The following ZNF236 variants were observed in gnomAD, a reference collection of about 807,000 sequenced individuals.
The protein encoded by ZNF236 is zinc finger protein 236, also known as regulated by glucose.
In ZNF236, 50 loss-of-function variants were observed where a neutral mutation model predicts 191.2. That is an observed-to-expected ratio of 0.26 (90% CI 0.21 to 0.33). The LOEUF is 0.33. ZNF236 is among the 10% of genes least tolerant of loss of function. The probability of loss-of-function intolerance (pLI) is 1.00; values close to 1 mark genes in which losing one functional copy is unlikely to be tolerated. For synonymous variants in ZNF236, 907 were observed against 928.8 expected, an observed-to-expected ratio of 0.98 and a Z score of 0.43; for missense variants, 1,754 against 2,374.5, an observed-to-expected ratio of 0.74 and a Z score of 5.43.
intron 26 of ZNF236, among the ~76,000 whole-genome samples, chr18:76,943,603 T>G (rs987215184): frequency 2.0e-5 from 3 of 152,182 alleles, no homozygotes; most frequent in African/African-American, 7.2e-5. Context: ...AACTTTGTAT[T>G]TAGGTATATA....
chr18:76,922,227 TG>T (rs1269706351), intron 20 of ZNF236, among the ~76,000 whole-genome samples: 1 of 152,160 alleles, frequency 6.6e-6, no homozygotes, highest in African/African-American at 2.4e-5. Context: ...CAGGGCGCTG[TG>T]GTGACTCTTC....
intron 27 of ZNF236, among the ~76,000 whole-genome samples, 165 bp from the exon 28 acceptor site, chr18:76,955,820 G>A (rs914990368): frequency 6.6e-5 from 10 of 152,206 alleles, no homozygotes; most frequent in African/African-American, 2.4e-4. Flanking sequence ...CTCATATTGT[G>A]TGGAAGGCGC....
chr18:76,871,017 C>T (rs1036985078), intron 4 of ZNF236, among the ~76,000 whole-genome samples: 26 of 152,090 alleles, frequency 1.7e-4, no homozygotes, highest in African/African-American at 5.3e-4. Flanking sequence ...GAGCCGAACC[C>T]GTTCTGAGGC....
intron 9 of ZNF236, among the ~76,000 whole-genome samples, chr18:76,894,682 G>C (rs1032413176): frequency 1.3e-5 from 2 of 151,680 alleles, no homozygotes; most frequent in Middle Eastern, 3.4e-3. Context: ...TTCTCTTCTC[G>C]TTCCCTGCAT....
At chr18:76,913,642 A>T in intron 17 of ZNF236, 105 bp from the exon 18 acceptor site, 1 of 1,224,022 alleles carries the variant, frequency 8.2e-7, no homozygotes, top group South Asian at 1.4e-5. Context: ...TAAATGTTTC[A>T]TGGTTGTTGG....
intron 14 of ZNF236, among the ~76,000 whole-genome samples, chr18:76,909,318 CAAAAAAAAA>C (rs34878586): frequency 8.4e-6 from 1 of 119,466 alleles, no homozygotes; most frequent in East Asian, 2.3e-4. Context: ...GACTCTGTCT[CAAAAAAAAA>C]AAAAAAAAAA....
In ZNF236 at chr18:76,971,580, C is replaced by A. The variant is rs1374667668; in HGVS notation, c.*3241C>A. On this transcript the variant is annotated 3_prime_UTR_variant, in exon 31 of 31. Coordinates refer to ENST00000320610, the MANE Select transcript of ZNF236 (RefSeq NM_001306089.2). ...CTAGTGTTCTGTGTCTTCCTTTGAA[C>A]TCATATCACATTTATTACAAGAGAC... Among the ~76,000 whole-genome samples, 1 of 152,204 alleles carries A rather than the reference C, an allele frequency of 6.6e-6. No individual in the cohort carries two copies. Among genetic ancestry groups the A allele is most frequent in the Non-Finnish European group, 1.5e-5 (1 of 68,032 alleles).
intron 26 of ZNF236, among the ~76,000 whole-genome samples, chr18:76,946,240 G>A (rs190179786): frequency 6.6e-6 from 1 of 152,302 alleles, no homozygotes; most frequent in East Asian, 1.9e-4. Flanking sequence ...ATAAAAAGGG[G>A]AGTTTCCCTG....
At chr18:76,877,607 C>T (rs1407962183) in intron 6 of ZNF236, among the ~76,000 whole-genome samples, 2 of 152,066 alleles carry the variant, frequency 1.3e-5, no homozygotes, top group African/African-American at 4.8e-5. Flanking sequence ...TGGTTTTGGC[C>T]ATCTGAAAGC....
intron 3 of ZNF236, among the ~76,000 whole-genome samples, chr18:76,863,491 A>G (rs528214602): frequency 2.3e-4 from 35 of 152,370 alleles, no homozygotes; most frequent in African/African-American, 8.4e-4. Context: ...TTCAGGTGAC[A>G]GCGAATTTCT....
chr18:76,946,113 A>T (rs534514014), intron 26 of ZNF236, among the ~76,000 whole-genome samples: 1 of 152,278 alleles, frequency 6.6e-6, no homozygotes, highest in Admixed American at 6.5e-5. Context: ...CCCAGATCTC[A>T]TCTTGAATTC....
chr18:76,955,376 C>T (rs949527317), intron 27 of ZNF236, among the ~76,000 whole-genome samples: 3 of 152,106 alleles, frequency 2.0e-5, no homozygotes, highest in African/African-American at 7.2e-5. Flanking sequence ...GCGATTGTGC[C>T]ACTGAACTCC....
At position 76,907,377 on chromosome 18, in the gene ZNF236, G is replaced by A. The variant is rs142698293; in HGVS notation, c.2298-943G>A. 5.5e-3 allele frequency among the ~76,000 whole-genome samples: 844 copies of A among 152,298 alleles called. 12 individuals carry two copies. The highest frequency in any genetic ancestry group is 0.017 in the African/African-American group (706 of 41,568). On this transcript the variant is annotated intron_variant, in intron 13 of 30. Coordinates refer to ENST00000320610, the MANE Select transcript of ZNF236 (RefSeq NM_001306089.2). Reference sequence around the variant, plus strand: ...GTGGGTGTTTTTGTTTGTTTGAGACGGAGTCTCGCTCTGTTGCCCAGGCTG... The same window carrying A: ...GTGGGTGTTTTTGTTTGTTTGAGACAGAGTCTCGCTCTGTTGCCCAGGCTG...
At chr18:76,948,048 T>G (rs1968309063) in intron 27 of ZNF236, among the ~76,000 whole-genome samples, 1 of 152,160 alleles carries the variant, frequency 6.6e-6, no homozygotes, top group South Asian at 2.1e-4. Context: ...TTCTGTTAAG[T>G]GTCATACACA....
At chr18:76,968,139 G>A (rs1206930316) in intron 30 of ZNF236, 76 bp from the exon 31 acceptor site, 3 of 1,558,330 alleles carry the variant, frequency 1.9e-6, no homozygotes, top group Non-Finnish European at 2.6e-6. Flanking sequence ...CTACCAGAAA[G>A]TCTTTATTTA....
At chr18:76,944,169 C>T (rs1282315951) in intron 26 of ZNF236, among the ~76,000 whole-genome samples, 2 of 152,202 alleles carry the variant, frequency 1.3e-5, no homozygotes, top group Non-Finnish European at 2.9e-5. Context: ...TACCCACCTT[C>T]CCTGTGACTC....
intron 5 of ZNF236, among the ~76,000 whole-genome samples, chr18:76,873,775 C>T (rs928174460): frequency 2.0e-5 from 3 of 152,140 alleles, no homozygotes; most frequent in Non-Finnish European, 2.9e-5. Flanking sequence ...GCCACACTCT[C>T]GCCGTGCCTC....
chr18:76,894,947 G>C (rs565726188), intron 9 of ZNF236, 66 bp from the exon 10 acceptor site: 2 of 1,573,322 alleles, frequency 1.3e-6, no homozygotes, highest in African/African-American at 1.3e-5. Flanking sequence ...GGGACCACAG[G>C]GGGTCCTGGA....
At position 76,942,447 on chromosome 18, in the gene ZNF236, A is replaced by G. The variant is rs561699246; in HGVS notation, c.4783-5074A>G. On this transcript the variant is annotated intron_variant, in intron 26 of 30. Transcript: ENST00000320610. ...TCCATGAAAGATGATGTTCCTAAAA[A>G]CAGAGAAAGGTGGTCTTACTTTACT... 1.4e-4 allele frequency among the ~76,000 whole-genome samples: 22 copies of G among 152,212 alleles called. No individual in the cohort carries two copies. In the East Asian group the frequency reaches 2.7e-3, roughly 19 times the overall value.
Sources: gnomAD v4.1 joint callset for allele counts (sites outside exome capture counted in the v4.1 genomes callset) on GRCh38, gnomAD v4.1.1 for gene constraint, MANE v1.5 for transcripts, NCBI Gene and HGNC (gene_info 2026-07-23, HGNC 2026-07-21) for gene names.